Variants in EYA4 observed in about 807,000 individuals in gnomAD.
The protein encoded by EYA4 is EYA transcriptional coactivator and phosphatase 4, also known as protein phosphatase EYA4.
EYA4 carries 31 observed loss-of-function variants against 87.9 expected under a neutral mutation model. The observed-to-expected ratio is 0.35, with a 90% CI of 0.27 to 0.48. EYA4 has a LOEUF of 0.48. Among genes scored for constraint, EYA4 ranks in the 20% least tolerant of loss-of-function variants. The pLI, the probability that EYA4 is intolerant of heterozygous loss-of-function variation, is 0.99. For missense variants in EYA4, 678 were observed against 761.4 expected (o/e 0.89, Z 1.29); for synonymous variants, 263 against 270.6 (o/e 0.97, Z 0.28).
chr6:133,503,156 G>A (rs1009991629), intron 13 of EYA4, among the ~76,000 whole-genome samples: 19 of 152,120 alleles, frequency 1.2e-4, no homozygotes, highest in African/African-American at 4.6e-4. Context: ...ATGCTTGTTT[G>A]CATGCTTATC....
chr6:133,399,835 T>C (rs1230800522), intron 3 of EYA4, among the ~76,000 whole-genome samples: 1 of 152,206 alleles, frequency 6.6e-6, no homozygotes, highest in Non-Finnish European at 1.5e-5. Context: ...GGTAATTGTT[T>C]AATGTCAGTG....
chr6:133,275,678 A>G (rs186666815), intron 2 of EYA4, among the ~76,000 whole-genome samples: 3 of 152,182 alleles, frequency 2.0e-5, no homozygotes, highest in Admixed American at 2.0e-4. Context: ...GAAAAGGTAT[A>G]TGTGATGAGT....
intron 13 of EYA4, among the ~76,000 whole-genome samples, chr6:133,499,393 A>G (rs888274195): frequency 6.6e-6 from 1 of 152,132 alleles, no homozygotes; most frequent in African/African-American, 2.4e-5. Flanking sequence ...CCATCCAAGT[A>G]CCATGTTACA....
chr6:133,433,477 G>T (rs941353126), intron 3 of EYA4, among the ~76,000 whole-genome samples: 1 of 152,170 alleles, frequency 6.6e-6, no homozygotes, highest in African/African-American at 2.4e-5. Context: ...CCTTGGCATT[G>T]TGCTTTTCAA....
intron 11 of EYA4, among the ~76,000 whole-genome samples, chr6:133,474,013 G>A (rs1460006824): frequency 6.6e-6 from 1 of 151,966 alleles, no homozygotes. Context: ...AACAAGCAGT[G>A]GAGATACTTC....
intron 13 of EYA4, among the ~76,000 whole-genome samples, chr6:133,484,280 CTATGTCTTCA>C (rs1796501879): frequency 6.6e-6 from 1 of 152,126 alleles, no homozygotes; most frequent in Non-Finnish European, 1.5e-5. Context: ...AAATGTCTTC[CTATGTCTTCA>C]TAGCATTCCA....
chr6:133,513,396 A>G (rs1222991295), intron 16 of EYA4, among the ~76,000 whole-genome samples: 2 of 152,228 alleles, frequency 1.3e-5, no homozygotes, highest in East Asian at 1.9e-4. Context: ...TCAAGTAGAG[A>G]GCCTCAATCA....
At position 133,523,119 on chromosome 6, in the gene EYA4, A is replaced by T. The variant is rs535466937; in HGVS notation, c.1680A>T (p.Leu560=). 6.2e-7 allele frequency: 1 copy of T among 1,612,152 alleles called. No homozygotes were observed. Among genetic ancestry groups the T allele is most frequent in the Non-Finnish European group, 8.5e-7 (1 of 1,178,582 alleles). ...TGATCCCAGCACTTGCGAAGGTTCT[A>T]CTCTATAGTTTAGGAGGTGCTTTCC... The part of the protein sequence containing the change: ...TQLIPALAKV[L]LYSLGGAFPI... The change falls in exon 18 of 20, where the codon CTA becomes CTT. Residue 560 remains leucine, a synonymous_variant. Coordinates refer to ENST00000355286, the MANE Select transcript of EYA4 (RefSeq NM_004100.5).
intron 3 of EYA4, among the ~76,000 whole-genome samples, chr6:133,410,831 T>A (rs926156933): frequency 1.3e-5 from 2 of 151,942 alleles, no homozygotes; most frequent in African/African-American, 4.8e-5. Flanking sequence ...CTTGGCATTG[T>A]TGCATTTTAC....
intron 1 of EYA4, among the ~76,000 whole-genome samples, chr6:133,262,735 T>C (rs3777796): frequency 0.14 from 21,686 of 152,182 alleles, 1,991 homozygotes; most frequent in Non-Finnish European, 0.2. Flanking sequence ...AACCCCATTA[T>C]CATTTTTTAA....
At position 133,529,525 on chromosome 6, in the gene EYA4, A is replaced by T; in HGVS notation, c.*720A>T. 1 of 982,716 alleles carries T rather than the reference A, an allele frequency of 1.0e-6. No individual in the cohort carries two copies. Among genetic ancestry groups the T allele is most frequent in the Non-Finnish European group, 1.2e-6 (1 of 827,458 alleles). 60.9% of individuals were successfully genotyped at this position (982,716 alleles called of 1,614,324 possible). ...GGTTAAAATCTCTGTAGATAATGAAAAAAAACAAAAAAAAAAACCTTTGTG... is the reference window on the plus strand; with the variant it reads ...GGTTAAAATCTCTGTAGATAATGAATAAAAACAAAAAAAAAAACCTTTGTG... On this transcript the variant is annotated 3_prime_UTR_variant, in exon 20 of 20. Transcript: ENST00000355286.
chr6:133,506,969 A>G (rs1277373384), intron 14 of EYA4, among the ~76,000 whole-genome samples: 2 of 152,206 alleles, frequency 1.3e-5, no homozygotes, highest in South Asian at 4.1e-4. Context: ...AAGCATAACT[A>G]TGCTGAAATA....
intron 17 of EYA4, 83 bp downstream of exon 17, chr6:133,515,518 C>G: frequency 1.1e-6 from 1 of 923,958 alleles, no homozygotes; most frequent in East Asian, 2.4e-5. Flanking sequence ...TGTTTTAATT[C>G]CTAGACTGTT....
chr6:133,502,618 G>C (rs937287265), intron 13 of EYA4: 3 of 152,202 alleles, frequency 2.0e-5, no homozygotes, highest in African/African-American at 7.2e-5. Context: ...GAGTCCTTTA[G>C]CTGGAAAAAT....
intron 2 of EYA4, among the ~76,000 whole-genome samples, chr6:133,327,810 A>G (rs1001863062): frequency 1.3e-5 from 2 of 152,182 alleles, no homozygotes; most frequent in African/African-American, 4.8e-5. Flanking sequence ...ATGTTTACGG[A>G]TGAGAGAGAG....
chr6:133,341,421 T>C (rs977900263), intron 2 of EYA4, among the ~76,000 whole-genome samples: 4 of 152,208 alleles, frequency 2.6e-5, no homozygotes, highest in Non-Finnish European at 5.9e-5. Flanking sequence ...GAATAAAGCA[T>C]GAACAAAACA....
chr6:133,393,092 AT>A (rs1787441048), intron 3 of EYA4, among the ~76,000 whole-genome samples: 1 of 152,164 alleles, frequency 6.6e-6, no homozygotes, highest in Non-Finnish European at 1.5e-5. Context: ...ATTCTCCAAG[AT>A]TGCTTAGGGG....
chr6:133,415,450 T>G (rs1434085300), intron 3 of EYA4, among the ~76,000 whole-genome samples: 3 of 152,190 alleles, frequency 2.0e-5, no homozygotes, highest in Non-Finnish European at 4.4e-5. Context: ...GCTGCTGGCC[T>G]TTGCTCTGTC....
intron 14 of EYA4, among the ~76,000 whole-genome samples, chr6:133,506,493 C>G (rs997253154): frequency 1.3e-5 from 2 of 152,278 alleles, no homozygotes; most frequent in East Asian, 3.9e-4. Flanking sequence ...AGCATTAGCT[C>G]TTCCAGATTA....
Sources: allele counts gnomAD v4.1 joint callset (sites outside exome capture counted in the v4.1 genomes callset), GRCh38; gene constraint gnomAD v4.1.1; transcripts MANE v1.5; gene names NCBI Gene and HGNC (gene_info 2026-07-23, HGNC 2026-07-21).